Variants in ADAM9 observed in about 807,000 individuals in gnomAD.
ADAM9 encodes the protein disintegrin and metalloproteinase domain-containing protein 9.
A neutral mutation model predicts 108.1 loss-of-function variants in ADAM9; 54 were observed. The ratio of observed to expected loss-of-function variants is 0.50; its 90% CI spans 0.40 to 0.63. ADAM9 has a LOEUF of 0.63. Ranked by LOEUF, ADAM9 falls within the 20% of genes least tolerant of loss-of-function variation. The pLI is 0.00. For missense variants in ADAM9, 830 were observed against 997.7 expected (o/e 0.83, Z 2.26); for synonymous variants, 316 against 336.0 (o/e 0.94, Z 0.65).
chr8:39,091,342 A>T lies in ADAM9; in HGVS notation c.2294A>T (p.Glu765Val), dbSNP rs1839348787. 1 of 1,613,312 alleles carries T rather than the reference A, an allele frequency of 6.2e-7. No individual in the cohort carries two copies. Among genetic ancestry groups the T allele is most frequent in the African/African-American group, 1.3e-5 (1 of 75,018 alleles). Residue 765 changes from glutamate to valine, a missense_variant, in exon 20 of 22, where the codon GAA becomes GTA. By Grantham distance (121) the Glu-to-Val change is moderately radical. Coordinates refer to ENST00000487273, the MANE Select transcript of ADAM9 (RefSeq NM_003816.3). The part of the protein sequence containing the change: ...RHVSPVTPPR[E>V]VPIYANRFAV... ...GTTTCTCCAGTGACACCTCCCAGAGAAGTTGTAAGTATAAAATGAAAAATT... is the reference window on the plus strand; with the variant it reads ...GTTTCTCCAGTGACACCTCCCAGAGTAGTTGTAAGTATAAAATGAAAAATT...
chr8:39,021,705 C>T lies in ADAM9; in HGVS notation c.735C>T (p.Tyr245=), dbSNP rs1324282029. 2 of 1,612,904 alleles carry T rather than the reference C, an allele frequency of 1.2e-6. No homozygotes were observed. The highest frequency in any genetic ancestry group is 8.5e-7 in the Non-Finnish European group (1 of 1,178,952). ...AAGAGATGATTCTCCTGGCAAACTACTTGGATAGTGTAAGTTGTATTTTCT... is the reference window on the plus strand; with the variant it reads ...AAGAGATGATTCTCCTGGCAAACTATTTGGATAGTGTAAGTTGTATTTTCT... ...VREEMILLAN[Y]LDSMYIMLNI... The change falls in exon 8 of 22, where the codon TAC becomes TAT. Residue 245 remains tyrosine, a synonymous_variant. Transcript: ENST00000487273.
intron 1 of ADAM9, among the ~76,000 whole-genome samples, chr8:38,998,101 G>A (rs1835881146): frequency 6.6e-6 from 1 of 152,232 alleles, no homozygotes; most frequent in South Asian, 2.1e-4. Flanking sequence ...GAGAATGGGA[G>A]TTTTTACTAA....
At chr8:39,005,685 A>G (rs1225961525) in intron 1 of ADAM9, among the ~76,000 whole-genome samples, 1 of 152,250 alleles carries the variant, frequency 6.6e-6, no homozygotes, top group African/African-American at 2.4e-5. Context: ...AACTGATGAG[A>G]CTAGAATTTA....
In ADAM9 at chr8:39,071,415, T is replaced by A. The variant is rs779544164; in HGVS notation, c.1697+12T>A. 4.4e-6 allele frequency: 7 copies of A among 1,580,706 alleles called. No homozygotes were observed. The South Asian group carries it at 7.7e-5, about 17-fold the overall frequency. Reference sequence around the variant, plus strand: ...AAGTGTGCCACTGGGTAAGTGGAGGTGCGGTCATAATGGAATATGAAAGAT... The same window carrying A: ...AAGTGTGCCACTGGGTAAGTGGAGGAGCGGTCATAATGGAATATGAAAGAT... On this transcript the variant is annotated intron_variant, in intron 15 of 21. Coordinates refer to ENST00000487273, the MANE Select transcript of ADAM9 (RefSeq NM_003816.3).
chr8:38,999,859 G>A (rs1418620556), intron 1 of ADAM9, among the ~76,000 whole-genome samples: 1 of 152,152 alleles, frequency 6.6e-6, no homozygotes, highest in Non-Finnish European at 1.5e-5. Context: ...GCTTTTTCTT[G>A]GGAATATCCG....
At position 39,083,028 on chromosome 8, in the gene ADAM9, A is replaced by T; in HGVS notation, c.2023A>T (p.Thr675Ser). Residue 675 changes from threonine to serine, a missense_variant, in exon 18 of 22, where the codon ACT (threonine) becomes TCT (serine). Transcript: ENST00000487273. ...ENGWAPPNCETKGYGGSVDSG... is the reference protein window; with the variant it reads ...ENGWAPPNCESKGYGGSVDSG... ...TGGCTGGGCTCCCCCAAATTGTGAG[A>T]CTAAAGGATACGGAGGAAGTGTGGA... 6.2e-7 allele frequency: 1 copy of T among 1,613,980 alleles called. No homozygotes were observed. The highest frequency in any genetic ancestry group is 1.3e-5 in the African/African-American group (1 of 75,058).
At chr8:39,101,428 C>G (rs1334014329) in intron 20 of ADAM9, among the ~76,000 whole-genome samples, 1 of 152,118 alleles carries the variant, frequency 6.6e-6, no homozygotes, top group East Asian at 1.9e-4. Context: ...TGATTGCTTA[C>G]CAGTAGTATA....
chr8:39,082,761 G>A (rs1206992377), intron 17 of ADAM9, 40 bp downstream of exon 17: 1 of 1,536,650 alleles, frequency 6.5e-7, no homozygotes, highest in Middle Eastern at 1.7e-4. Flanking sequence ...TGAAAGTAGT[G>A]CTAAATAATG....
At chr8:39,074,926 G>A (rs1282519847) in intron 15 of ADAM9, among the ~76,000 whole-genome samples, 1 of 23,512 alleles carries the variant, frequency 4.3e-5, no homozygotes, top group Non-Finnish European at 8.5e-5. Context: ...TTTTTTTTTT[G>A]AGTAGAGCCT....
chr8:39,085,302 A>C (rs972592692), intron 18 of ADAM9, among the ~76,000 whole-genome samples: 8 of 152,024 alleles, frequency 5.3e-5, no homozygotes, highest in Non-Finnish European at 1.5e-5. Flanking sequence ...CACATGTTTT[A>C]CTTCTACTAA....
intron 9 of ADAM9, among the ~76,000 whole-genome samples, chr8:39,025,005 G>T (rs983686374): frequency 3.9e-5 from 6 of 152,158 alleles, no homozygotes; most frequent in African/African-American, 1.4e-4. Context: ...TAATATTAGG[G>T]AAGAGAGGTC....
intron 5 of ADAM9, 74 bp downstream of exon 5, chr8:39,016,268 A>AATGAT: frequency 1.5e-6 from 2 of 1,371,848 alleles, no homozygotes; most frequent in African/African-American, 1.4e-5. Flanking sequence ...CTGTCTCCAA[A>AATGAT]TTAAATCATT....
chr8:39,014,161 AT>A, intron 4 of ADAM9, 118 bp downstream of exon 4: 1 of 812,010 alleles, frequency 1.2e-6, no homozygotes, highest in Non-Finnish European at 2.1e-6. Context: ...TACCTTTAAC[AT>A]TATAACATAT....
At chr8:39,009,973 C>A (rs1368844417) in intron 2 of ADAM9, among the ~76,000 whole-genome samples, 6 of 150,140 alleles carry the variant, frequency 4.0e-5, no homozygotes, top group Admixed American at 4.0e-4. Context: ...AACCCCCCCC[C>A]CCAAACCAAA....
intron 8 of ADAM9, among the ~76,000 whole-genome samples, chr8:39,022,326 T>C (rs920395876): frequency 7.9e-5 from 12 of 152,300 alleles, no homozygotes; most frequent in African/African-American, 2.9e-4. Flanking sequence ...ATTTACTCCT[T>C]ACAGTACCCC....
chr8:39,016,974 A>G (rs1483884059), intron 5 of ADAM9: 16 of 501,528 alleles, frequency 3.2e-5, no homozygotes, highest in African/African-American at 7.7e-5. Context: ...AGTGCCTTCC[A>G]TTTCCCGTAG....
intron 1 of ADAM9, among the ~76,000 whole-genome samples, chr8:39,000,763 G>A (rs890058508): frequency 1.3e-5 from 2 of 152,116 alleles, no homozygotes; most frequent in Non-Finnish European, 2.9e-5. Context: ...CACCACACCT[G>A]GCCTTAAATC....
intron 12 of ADAM9, among the ~76,000 whole-genome samples, chr8:39,046,910 A>G (rs915474970): frequency 6.6e-6 from 1 of 152,080 alleles, no homozygotes; most frequent in Non-Finnish European, 1.5e-5. Flanking sequence ...TCGGGACTAC[A>G]GGCATATGCC....
At chr8:39,093,334 T>G (rs555091909) in intron 20 of ADAM9, among the ~76,000 whole-genome samples, 11 of 152,302 alleles carry the variant, frequency 7.2e-5, no homozygotes, top group Non-Finnish European at 1.5e-4. Context: ...ATATTATTTA[T>G]GTATGTATTT....
Sources: allele counts gnomAD v4.1 joint callset (sites outside exome capture counted in the v4.1 genomes callset), GRCh38; gene constraint gnomAD v4.1.1; transcripts MANE v1.5; gene names NCBI Gene and HGNC (gene_info 2026-07-23, HGNC 2026-07-21).